Variants in UGT2B4 observed in about 807,000 individuals in gnomAD.
UGT2B4 encodes UDP glucuronosyltransferase family 2 member B4.
In UGT2B4, 49 loss-of-function variants were observed where a neutral mutation model predicts 49.8. The observed-to-expected ratio is 0.98, with a 90% CI of 0.78 to 1.25. The LOEUF is 1.25. Among genes scored for constraint, UGT2B4 ranks in the 50% most tolerant of loss-of-function variants. The probability of loss-of-function intolerance (pLI) is 0.00; values close to 1 mark genes in which losing one functional copy is unlikely to be tolerated. For missense variants in UGT2B4, 729 were observed against 627.7 expected, an observed-to-expected ratio of 1.16 and a Z score of -1.73; for synonymous variants, 246 against 217.7, an observed-to-expected ratio of 1.13 and a Z score of -1.14.
chr4:69,507,497 G>A (rs1728503698), intron 1 of UGT2B4, among the ~76,000 whole-genome samples: 1 of 151,944 alleles, frequency 6.6e-6, no homozygotes, highest in South Asian at 2.1e-4. Flanking sequence ...AAATACCAAG[G>A]AATACAGATA....
intron 3 of UGT2B4, among the ~76,000 whole-genome samples, chr4:69,487,737 A>G (rs1416061348): frequency 6.6e-6 from 1 of 152,164 alleles, no homozygotes; most frequent in Non-Finnish European, 1.5e-5. Flanking sequence ...TACCCTTGAA[A>G]TTAAAAGTTA....
rs1413974663 is a variant in UGT2B4 at position 69,480,837 on chromosome 4, A to C, written c.1384T>G (p.Phe462Val). The stretch of plus-strand genomic sequence containing the variant: ...TGGCGCATGACAAATTCAATCCAGA[A>C]GACTGCTCGATCAAGGGGCTTCACT... ...QPVKPLDRAV[F>V]WIEFVMRHKG... is the part of the protein sequence containing the mutation. The change falls in exon 6 of 6, where the codon TTC becomes GTC. Residue 462 changes from phenylalanine to valine, a missense_variant. Phe to Val is a conservative substitution (Grantham distance 50). Transcript: ENST00000305107. 6.2e-7 allele frequency: 1 copy of C among 1,613,900 alleles called. No homozygotes were observed. Among genetic ancestry groups the C allele is most frequent in the Admixed American group, 1.7e-5 (1 of 60,016 alleles).
intron 2 of UGT2B4, among the ~76,000 whole-genome samples, chr4:69,492,609 G>T (rs554353016): frequency 6.6e-6 from 1 of 152,126 alleles, no homozygotes; most frequent in East Asian, 1.9e-4. Context: ...ATTAAATGAG[G>T]AATAATATCT....
chr4:69,504,830 A>C (rs977278113), intron 1 of UGT2B4, among the ~76,000 whole-genome samples: 2 of 152,158 alleles, frequency 1.3e-5, no homozygotes, highest in African/African-American at 4.8e-5. Context: ...TGAAAAAAAA[A>C]CAAATGTTAC....
chr4:69,520,824 A>G (rs997642629), intron 1 of UGT2B4, among the ~76,000 whole-genome samples: 7 of 152,116 alleles, frequency 4.6e-5, no homozygotes, highest in African/African-American at 1.7e-4. Context: ...GGCACAGGAG[A>G]CAGACAGACT....
intron 1 of UGT2B4, among the ~76,000 whole-genome samples, chr4:69,517,198 G>A (rs1728753255): frequency 6.6e-6 from 1 of 151,994 alleles, no homozygotes; most frequent in African/African-American, 2.4e-5. Flanking sequence ...GTCTTTTAGA[G>A]TTTTCTAATC....
At chr4:69,513,703 C>T (rs1452239966) in intron 1 of UGT2B4, among the ~76,000 whole-genome samples, 1 of 152,088 alleles carries the variant, frequency 6.6e-6, no homozygotes. Flanking sequence ...TTTTCCTATC[C>T]ATGAGCATGG....
At chr4:69,500,138 C>T (rs1313896564), upstream of UGT2B4, among the ~76,000 whole-genome samples, 1 of 152,142 alleles carries the variant, frequency 6.6e-6, no homozygotes, top group East Asian at 1.9e-4. Context: ...AGCAAACTAA[C>T]ACAGAATCAG....
chr4:69,515,761 G>A (rs1289032484), intron 1 of UGT2B4, among the ~76,000 whole-genome samples: 2 of 151,942 alleles, frequency 1.3e-5, no homozygotes, highest in Non-Finnish European at 1.5e-5. Flanking sequence ...TACACCACTA[G>A]CTAGACTAAT....
intron 1 of UGT2B4, among the ~76,000 whole-genome samples, chr4:69,512,124 C>A (rs1333313372): frequency 2.0e-5 from 3 of 149,650 alleles, no homozygotes; most frequent in African/African-American, 7.3e-5. Flanking sequence ...TCCATTTTTC[C>A]ATTCTTAATT....
chr4:69,486,506 A>G lies in UGT2B4; in HGVS notation c.1090+103T>C, dbSNP rs1727790020. 4 of 725,552 alleles carry G rather than the reference A, an allele frequency of 5.5e-6. No homozygotes were observed. In the East Asian group the frequency reaches 1.3e-4, roughly 23 times the overall value. 44.9% of individuals were successfully genotyped at this position (725,552 alleles called of 1,614,324 possible). ...ATAAAGAAGTTTCATTTTATTTTTA[A>G]GTTTTTCCATAACAAATGTTCAGTA... On this transcript the variant is annotated intron_variant, in intron 4 of 5. Transcript: ENST00000305107.
At chr4:69,496,180 G>A (rs374354426), upstream of UGT2B4, among the ~76,000 whole-genome samples, 5 of 151,410 alleles carry the variant, frequency 3.3e-5, no homozygotes, top group Admixed American at 2.0e-4. Flanking sequence ...ACCTGCCACC[G>A]CACCCAGCTA....
chr4:69,522,836 C>T (rs948052013), intron 1 of UGT2B4, among the ~76,000 whole-genome samples: 6 of 152,178 alleles, frequency 3.9e-5, no homozygotes, highest in Non-Finnish European at 8.8e-5. Context: ...AGTTCATTCT[C>T]TCAAACTCTG....
At chr4:69,492,536 A>T (rs1270015549) in intron 2 of UGT2B4, among the ~76,000 whole-genome samples, 1 of 152,106 alleles carries the variant, frequency 6.6e-6, no homozygotes, top group East Asian at 1.9e-4. Flanking sequence ...GGTATCTGTC[A>T]TATAGAAGAC....
intron 1 of UGT2B4, 75 bp downstream of exon 1, chr4:69,495,066 T>C: frequency 7.2e-7 from 1 of 1,388,378 alleles, no homozygotes; most frequent in Non-Finnish European, 9.6e-7. Context: ...CCTGACTTTA[T>C]GGCTTTATAC....
chr4:69,507,334 G>A (rs928798726), intron 1 of UGT2B4, among the ~76,000 whole-genome samples: 6 of 152,020 alleles, frequency 3.9e-5, no homozygotes, highest in African/African-American at 9.6e-5. Context: ...CCATCGTCTC[G>A]GGCCAAAAGC....
upstream of UGT2B4, among the ~76,000 whole-genome samples, chr4:69,496,645 C>G (rs2736441): frequency 0.15 from 22,172 of 152,042 alleles, 1,917 homozygotes; most frequent in Non-Finnish European, 0.2. Flanking sequence ...TAAAAATAAA[C>G]CCTATAAGCT....
At position 69,480,617 on chromosome 4, in the gene UGT2B4, T is replaced by G; in HGVS notation, c.*17A>C. 1 of 1,609,550 alleles carries G rather than the reference T, an allele frequency of 6.2e-7. No individual in the cohort carries two copies. Reference sequence around the variant, plus strand: ...AGTTCATTTATTGGGTTTCCCAGCTTCCAGCCTCAGACGTAATTAATCTCT... The same window carrying G: ...AGTTCATTTATTGGGTTTCCCAGCTGCCAGCCTCAGACGTAATTAATCTCT... On this transcript the variant is annotated 3_prime_UTR_variant, in exon 6 of 6. Coordinates refer to ENST00000305107, the MANE Select transcript of UGT2B4 (RefSeq NM_021139.3).
intron 1 of UGT2B4, among the ~76,000 whole-genome samples, chr4:69,506,585 C>T (rs1333836295): frequency 6.6e-6 from 1 of 152,042 alleles, no homozygotes; most frequent in Non-Finnish European, 1.5e-5. Context: ...AATAAATAGC[C>T]TACCACCCAA....
Sources: gnomAD v4.1 joint callset for allele counts (sites outside exome capture counted in the v4.1 genomes callset) on GRCh38, gnomAD v4.1.1 for gene constraint, MANE v1.5 for transcripts, NCBI Gene and HGNC (gene_info 2026-07-23, HGNC 2026-07-21) for gene names.